ALDH2: variants seen among roughly 807,000 people sequenced by gnomAD.
The protein encoded by ALDH2 is aldehyde dehydrogenase 2 family member.
Under a neutral mutation model 59.6 loss-of-function variants are expected in ALDH2, and 44 were observed. That is an observed-to-expected ratio of 0.74 (90% CI 0.58 to 0.95). ALDH2 has a LOEUF of 0.95. ALDH2 is among the 40% of genes least tolerant of loss of function. ALDH2 has a pLI of 0.00. For missense variants in ALDH2, 570 were observed against 696.3 expected, an observed-to-expected ratio of 0.82 and a Z score of 2.04; for synonymous variants, 291 against 284.0, an observed-to-expected ratio of 1.02 and a Z score of -0.25.
Position 111,815,815 on chromosome 12 carries a change from T to A in ALDH2, c.*6240T>A, listed in dbSNP as rs986407677. 1 of 144,400 alleles carries A rather than the reference T, an allele frequency of 6.9e-6. No homozygotes were observed. Among genetic ancestry groups the A allele is most frequent in the African/African-American group, 2.6e-5 (1 of 38,706 alleles). The allele number at this position is 144,400 out of a possible 1,614,324, so 8.9% of individuals were successfully genotyped here. A position where few individuals can be genotyped will look rare whatever the true frequency, so the allele number is the denominator to read the frequency against. On this transcript the variant is annotated 3_prime_UTR_variant, in exon 13 of 13. Coordinates refer to ENST00000261733, the MANE Select transcript of ALDH2 (RefSeq NM_000690.4). ...TTTTTTTGAGAGAGAGAGAGAGAGATGGAGTCTTGCTATGTTGCTCAGGCT... is the reference window on the plus strand; with the variant it reads ...TTTTTTTGAGAGAGAGAGAGAGAGAAGGAGTCTTGCTATGTTGCTCAGGCT...
intron 1 of ALDH2, among the ~76,000 whole-genome samples, chr12:111,770,848 T>A (rs962186922): frequency 2.0e-5 from 3 of 152,100 alleles, no homozygotes; most frequent in African/African-American, 7.2e-5. Flanking sequence ...GGTTTCGCCA[T>A]GTTGGCCAGG....
intron 4 of ALDH2, among the ~76,000 whole-genome samples, chr12:111,788,366 A>G (rs926034094): frequency 2.0e-5 from 3 of 152,140 alleles, no homozygotes; most frequent in African/African-American, 7.2e-5. Context: ...CATCTAGTGG[A>G]TAGAGGTCAG....
chr12:111,787,355 A>G (rs1335116767), intron 4 of ALDH2, among the ~76,000 whole-genome samples: 1 of 152,200 alleles, frequency 6.6e-6, no homozygotes, highest in Non-Finnish European at 1.5e-5. Context: ...GCCAGTTTTT[A>G]CATTGGGACC....
At chr12:111,805,757 G>C (rs1300250780) in intron 12 of ALDH2, among the ~76,000 whole-genome samples, 2 of 152,198 alleles carry the variant, frequency 1.3e-5, no homozygotes, top group African/African-American at 2.4e-5. Flanking sequence ...GGGCGCGGTG[G>C]CTCACGCGTA....
chr12:111,783,348 C>G (rs763849334), intron 3 of ALDH2, 50 bp downstream of exon 3: 2 of 1,556,172 alleles, frequency 1.3e-6, no homozygotes, highest in African/African-American at 1.4e-5. Flanking sequence ...TGAATAGGCT[C>G]GCAGCATCCT....
chr12:111,808,432 C>T (rs575830743), intron 12 of ALDH2, among the ~76,000 whole-genome samples: 8 of 151,816 alleles, frequency 5.3e-5, no homozygotes, highest in African/African-American at 1.7e-4. Flanking sequence ...CGGCCAGGCG[C>T]GGTGGCTCAC....
rs1349997643 is a variant in ALDH2, at chr12:111,811,163, C to G, written c.*1588C>G. ...ACCAGCCTGACCAACAGGGAGAAAC[C>G]CCATCTCTACTGAAAATACAAAAAA... On this transcript the variant is annotated 3_prime_UTR_variant, in exon 13 of 13. Coordinates refer to ENST00000261733, the MANE Select transcript of ALDH2 (RefSeq NM_000690.4). 1 of 150,738 alleles carries G rather than the reference C, an allele frequency of 6.6e-6. No homozygotes were observed. Among genetic ancestry groups the G allele is most frequent in the Non-Finnish European group, 1.5e-5 (1 of 67,954 alleles). The allele number at this position is 150,738 out of a possible 1,614,324, so 9.3% of individuals were successfully genotyped here. A position where few individuals can be genotyped will look rare whatever the true frequency, so the allele number is the denominator to read the frequency against.
At position 111,813,569 on chromosome 12, in the gene ALDH2, G is replaced by A. The variant is rs1043415071; in HGVS notation, c.*3994G>A. The A allele has an allele frequency of 2.0e-5, 3 of 152,192 alleles. No homozygotes were observed. Among genetic ancestry groups the A allele is most frequent in the African/African-American group, 7.2e-5 (3 of 41,444 alleles). 9.4% of individuals were successfully genotyped at this position (152,192 alleles called of 1,614,324 possible). On this transcript the variant is annotated 3_prime_UTR_variant, in exon 13 of 13. Coordinates refer to ENST00000261733, the MANE Select transcript of ALDH2 (RefSeq NM_000690.4). Reference sequence around the variant, plus strand: ...AGAGATGGAATCAACCCAAATATCAGTCAATAGATGAATGGACAGACAAAA... The same window carrying A: ...AGAGATGGAATCAACCCAAATATCAATCAATAGATGAATGGACAGACAAAA...
At position 111,813,477 on chromosome 12, in the gene ALDH2, T is replaced by C. The variant is rs1197326766; in HGVS notation, c.*3902T>C. The C allele has an allele frequency of 2.0e-5, 3 of 152,140 alleles. No individual in the cohort carries two copies. The East Asian group carries it at 5.8e-4, about 29-fold the overall frequency. 9.4% of individuals were successfully genotyped at this position (152,140 alleles called of 1,614,324 possible). ...ACCAGGATCACATACTGGAAAGAATTGAAAACAGAGACTCCCAACAAAAAC... is the reference window on the plus strand; with the variant it reads ...ACCAGGATCACATACTGGAAAGAATCGAAAACAGAGACTCCCAACAAAAAC... On this transcript the variant is annotated 3_prime_UTR_variant, in exon 13 of 13. Transcript: ENST00000261733.
intron 1 of ALDH2, among the ~76,000 whole-genome samples, chr12:111,778,273 G>A (rs974067186): frequency 6.6e-6 from 1 of 152,118 alleles, no homozygotes; most frequent in Non-Finnish European, 1.5e-5. Context: ...GGCCAGGCGC[G>A]GTGGCTCACG....
intron 1 of ALDH2, among the ~76,000 whole-genome samples, chr12:111,778,668 C>T (rs2068250611): frequency 1.3e-5 from 2 of 151,000 alleles, no homozygotes; most frequent in Admixed American, 6.6e-5. Flanking sequence ...CCCGTCTCTA[C>T]TAAAAACACA....
chr12:111,809,434 GA>G, intron 12 of ALDH2, 108 bp from the exon 13 acceptor site: 4 of 1,252,382 alleles, frequency 3.2e-6, no homozygotes, highest in Non-Finnish European at 4.6e-6. Context: ...AGTCTGGGGA[GA>G]AAAAAAGAAA....
intron 4 of ALDH2, among the ~76,000 whole-genome samples, 166 bp downstream of exon 4, chr12:111,785,512 TCA>T (rs371816427): frequency 5.9e-5 from 9 of 152,046 alleles, no homozygotes; most frequent in African/African-American, 1.7e-4. Flanking sequence ...TTACGTGAGG[TCA>T]AGAGTTTGAG....
At chr12:111,788,383 T>C (rs1459596442) in intron 4 of ALDH2, among the ~76,000 whole-genome samples, 3 of 152,182 alleles carry the variant, frequency 2.0e-5, no homozygotes, top group African/African-American at 7.2e-5. Context: ...TCAGAGATGC[T>C]GCTCAACATC....
rs2068566549 is a variant in ALDH2, at chr12:111,815,813, G to A, written c.*6238G>A. The A allele has an allele frequency of 6.7e-6, 1 of 149,046 alleles. No individual in the cohort carries two copies. Among genetic ancestry groups the A allele is most frequent in the African/African-American group, 2.5e-5 (1 of 40,306 alleles). 9.2% of individuals were successfully genotyped at this position (149,046 alleles called of 1,614,324 possible). On this transcript the variant is annotated 3_prime_UTR_variant, in exon 13 of 13. Coordinates refer to ENST00000261733, the MANE Select transcript of ALDH2 (RefSeq NM_000690.4). Reference sequence around the variant, plus strand: ...TTTTTTTTTGAGAGAGAGAGAGAGAGATGGAGTCTTGCTATGTTGCTCAGG... The same window carrying A: ...TTTTTTTTTGAGAGAGAGAGAGAGAAATGGAGTCTTGCTATGTTGCTCAGG...
At chr12:111,770,056 A>T (rs1191088405) in intron 1 of ALDH2, among the ~76,000 whole-genome samples, 1 of 151,888 alleles carries the variant, frequency 6.6e-6, no homozygotes, top group African/African-American at 2.4e-5. Flanking sequence ...AGGCAGGAGC[A>T]TCACTTGAAC....
At chr12:111,770,133 G>A (rs1203966510) in intron 1 of ALDH2, among the ~76,000 whole-genome samples, 2 of 139,364 alleles carry the variant, frequency 1.4e-5, no homozygotes, top group African/African-American at 5.9e-5. Context: ...GACAGAGCGA[G>A]ACTCCATCTC....
intron 1 of ALDH2, 120 bp downstream of exon 1, chr12:111,767,216 G>A: frequency 1.3e-6 from 1 of 780,758 alleles, no homozygotes; most frequent in Non-Finnish European, 1.9e-6. Context: ...GGGGTTTGCA[G>A]AGGCTGACCT....
chr12:111,815,777 A>G lies in ALDH2; in HGVS notation c.*6202A>G, dbSNP rs887535871. 7.8e-6 allele frequency: 1 copy of G among 128,124 alleles called. No individual in the cohort carries two copies. The highest frequency in any genetic ancestry group is 1.5e-5 in the Non-Finnish European group (1 of 64,648). 7.9% of individuals were successfully genotyped at this position (128,124 alleles called of 1,614,324 possible). On this transcript the variant is annotated 3_prime_UTR_variant, in exon 13 of 13. Transcript: ENST00000261733. Reference sequence around the variant, plus strand: ...GGCGTGCACTACCATGCATATATATATATATTTTTTTTTTTTTTTGAGAGA... The same window carrying G: ...GGCGTGCACTACCATGCATATATATGTATATTTTTTTTTTTTTTTGAGAGA...
Sources: gnomAD v4.1 joint callset for allele counts (sites outside exome capture counted in the v4.1 genomes callset) on GRCh38, gnomAD v4.1.1 for gene constraint, MANE v1.5 for transcripts, NCBI Gene and HGNC (gene_info 2026-07-23, HGNC 2026-07-21) for gene names.